CAMSAP1: variants seen among roughly 807,000 people sequenced by gnomAD.
CAMSAP1 encodes calmodulin regulated spectrin associated protein 1.
In CAMSAP1, 58 loss-of-function variants were observed where a neutral mutation model predicts 143.5. The observed-to-expected ratio is 0.40, with a 90% CI of 0.33 to 0.50. CAMSAP1 has a LOEUF of 0.50. Among genes scored for constraint, CAMSAP1 ranks in the 20% least tolerant of loss-of-function variants. The pLI, the probability that CAMSAP1 is intolerant of heterozygous loss-of-function variation, is 0.45. For missense variants in CAMSAP1, 1,969 were observed against 2,115.7 expected (o/e 0.93, Z 1.36); for synonymous variants, 945 against 859.3 (o/e 1.10, Z -1.74).
At chr9:135,837,107 C>T (rs1030651736) in intron 7 of CAMSAP1, among the ~76,000 whole-genome samples, 8 of 151,924 alleles carry the variant, frequency 5.3e-5, no homozygotes, top group Admixed American at 5.2e-4. Flanking sequence ...ATTCCAGAGA[C>T]ACACGTCACC....
intron 7 of CAMSAP1, among the ~76,000 whole-genome samples, chr9:135,839,274 G>A (rs112018628): frequency 0.014 from 2,168 of 152,314 alleles, 58 homozygotes; most frequent in African/African-American, 0.048. Context: ...TTCTGTGCCT[G>A]CCACATGCAT....
chr9:135,847,067 G>T (rs1588469070), intron 7 of CAMSAP1, among the ~76,000 whole-genome samples: 1 of 152,092 alleles, frequency 6.6e-6, no homozygotes, highest in South Asian at 2.1e-4. Context: ...CCTACTATAG[G>T]CCGGGCACGG....
chr9:135,820,687 ACT>A lies in CAMSAP1; in HGVS notation c.3822+150_3822+151del, dbSNP rs1219617076. Among the ~76,000 whole-genome samples, 5 of 152,042 alleles carry A rather than the reference ACT, an allele frequency of 3.3e-5. No individual in the cohort carries two copies. The highest frequency in any genetic ancestry group is 1.2e-4 in the African/African-American group (5 of 41,374). ...GCCAAGTGGAGTCCTCGGGACAGAG[ACT>A]CTGTGGCCCACAAAGCTAAACACAC... On this transcript the variant is annotated intron_variant, in intron 11 of 16. Transcript: ENST00000389532. This position sits in a 1 kb window ranked among gnomAD's most constrained non-coding sequence, Gnocchi z 4.4.
chr9:135,827,529 C>T lies in CAMSAP1; in HGVS notation c.1101G>A (p.Ala367=), dbSNP rs374962305. 1.9e-5 allele frequency: 30 copies of T among 1,612,362 alleles called. No individual in the cohort carries two copies. The highest frequency in any genetic ancestry group is 3.3e-4 in the Middle Eastern group (2 of 6,076). Residue 367 remains alanine, a synonymous_variant, in exon 8 of 17, where the codon GCG becomes GCA. Coordinates refer to ENST00000389532, the MANE Select transcript of CAMSAP1 (RefSeq NM_015447.4). ...SSRPPVPISN[A]TKRSFLGSPA... is the part of the protein sequence containing the mutation. ...GGCTGCCTAGGAAACTGCGTTTGGT[C>T]GCGTTGGAGATCGGTACAGGAGGCC...
At position 135,832,545 on chromosome 9, in the gene CAMSAP1, C is replaced by G. The variant is rs117445555; in HGVS notation, c.1046-4961G>C. ...CCACTCTCACCTCTTTTATTCAACA[C>G]AGTACTGGAAATTCTAGTCAGATAA... On this transcript the variant is annotated intron_variant, in intron 7 of 16. Coordinates refer to ENST00000389532, the MANE Select transcript of CAMSAP1 (RefSeq NM_015447.4). 1.0e-3 allele frequency among the ~76,000 whole-genome samples: 155 copies of G among 152,240 alleles called. No individual in the cohort carries two copies. In the East Asian group the frequency reaches 0.014, roughly 14 times the overall value.
rs113175226 is a variant in CAMSAP1, at chr9:135,907,323, C to A, written c.-164G>T. ...CGCCTCACCTCACAGCCGCCGCCGTCGCCGCCCCCGCGGCTGCTGCATGCT... is the reference window on the plus strand; with the variant it reads ...CGCCTCACCTCACAGCCGCCGCCGTAGCCGCCCCCGCGGCTGCTGCATGCT... On this transcript the variant is annotated 5_prime_UTR_variant, in exon 1 of 17. Coordinates refer to ENST00000389532, the MANE Select transcript of CAMSAP1 (RefSeq NM_015447.4). The A allele has an allele frequency of 4.1e-6, 1 of 242,474 alleles. No individual in the cohort carries two copies. Among genetic ancestry groups the A allele is most frequent in the South Asian group, 1.4e-4 (1 of 6,940 alleles). 15.0% of individuals were successfully genotyped at this position (242,474 alleles called of 1,614,324 possible).
intron 1 of CAMSAP1, among the ~76,000 whole-genome samples, chr9:135,893,049 A>C (rs1588509405): frequency 6.6e-6 from 1 of 151,782 alleles, no homozygotes; most frequent in South Asian, 2.1e-4. Flanking sequence ...ACCTGCCTGT[A>C]GTCCCTGCTC....
At position 135,819,103 on chromosome 9, in the gene CAMSAP1, G is replaced by T; in HGVS notation, c.3866C>A (p.Ala1289Asp). Residue 1289 changes from alanine (A) to aspartate (D), a missense_variant, in exon 12 of 17, where the codon GCC becomes GAC. By Grantham distance (126) the Ala-to-Asp change is moderately radical. This residue lies in a region of CAMSAP1 where 1,390 missense variants were observed against 1,420.8 expected (regional missense o/e 0.98). Coordinates refer to ENST00000389532, the MANE Select transcript of CAMSAP1 (RefSeq NM_015447.4). ...AEDELAKKRA[A>D]FLLKQQRKAE... ...CTTGCGCTGCTGCTTCAGGAGGAAG[G>T]CCGCCCGCTTCTTGGCGAGCTCATC... 2 of 1,602,066 alleles carry T rather than the reference G, an allele frequency of 1.2e-6. No individual in the cohort carries two copies.
chr9:135,825,725 T>C (rs1358646717), intron 8 of CAMSAP1, among the ~76,000 whole-genome samples: 2 of 151,718 alleles, frequency 1.3e-5, no homozygotes, highest in Non-Finnish European at 2.9e-5. Context: ...TGGGGAGAAT[T>C]TGGTAAAGGG....
chr9:135,818,708 G>A lies in CAMSAP1; in HGVS notation c.3960-92C>T, dbSNP rs1835331950. On this transcript the variant is annotated intron_variant, in intron 12 of 16. Transcript: ENST00000389532. The surrounding 1 kb of genome is among the most constrained non-coding windows in gnomAD (Gnocchi z 7.7). ...CGCTCTGTCCAGGCGCGTTTCTCGG[G>A]TTCTCCCCGGCCGCTGGGACCAAGA... 3 of 1,415,658 alleles carry A rather than the reference G, an allele frequency of 2.1e-6. No homozygotes were observed. Among genetic ancestry groups the A allele is most frequent in the South Asian group, 2.7e-5 (2 of 73,158 alleles). The allele number at this position is 1,415,658 out of a possible 1,614,324, so 87.7% of individuals were successfully genotyped here.
intron 3 of CAMSAP1, among the ~76,000 whole-genome samples, chr9:135,880,291 G>T (rs1447006043): frequency 2.0e-5 from 3 of 152,130 alleles, no homozygotes; most frequent in Non-Finnish European, 4.4e-5. Flanking sequence ...CACGCCGCCA[G>T]GTGAGAGCCA....
At chr9:135,825,872 A>T (rs142390761) in intron 8 of CAMSAP1, among the ~76,000 whole-genome samples, 1 of 152,306 alleles carries the variant, frequency 6.6e-6, no homozygotes, top group Non-Finnish European at 1.5e-5. Flanking sequence ...CACCAAAGAG[A>T]CACAGTGAGA....
At chr9:135,870,057 T>C (rs1837519087) in intron 3 of CAMSAP1, among the ~76,000 whole-genome samples, 1 of 152,164 alleles carries the variant, frequency 6.6e-6, no homozygotes, top group African/African-American at 2.4e-5. Context: ...GGTTCAGAGT[T>C]TTTTTGGAAT....
In CAMSAP1 at chr9:135,811,510, G is replaced by A; in HGVS notation, c.4608C>T (p.Ile1536=). ...LYCYYPDTEE[I]YKLTGTGPKN... is the part of the protein sequence containing the mutation. ...TTGGCCCCGTGCCAGTGAGTTTGTA[G>A]ATTTCCTCAGTATCAGGATAGTAGC... is the stretch of plus-strand genomic sequence containing the variant. The change falls in exon 17 of 17, where the codon ATC becomes ATT. Residue 1536 remains isoleucine (I), a synonymous_variant. Transcript: ENST00000389532. This position sits in a 1 kb window ranked among gnomAD's most constrained non-coding sequence, Gnocchi z 4.9. The A allele has an allele frequency of 6.2e-7, 1 of 1,609,444 alleles. No homozygotes were observed. Among genetic ancestry groups the A allele is most frequent in the Non-Finnish European group, 8.5e-7 (1 of 1,177,666 alleles).
rs1030835182 is a variant in CAMSAP1, at chr9:135,824,610, A to G, written c.1315+179T>C. ...AACCAGGGAGTCAGAGGCTGCAGTG[A>G]GCCGAGATCGCGCCACAGCACTTCA... On this transcript the variant is annotated intron_variant, in intron 9 of 16. Transcript: ENST00000389532. The surrounding 1 kb of genome is among the most constrained non-coding windows in gnomAD (Gnocchi z 4.1). 3.9e-5 allele frequency among the ~76,000 whole-genome samples: 6 copies of G among 152,208 alleles called. No individual in the cohort carries two copies. Among genetic ancestry groups the G allele is most frequent in the Non-Finnish European group, 8.8e-5 (6 of 68,044 alleles).
intron 4 of CAMSAP1, among the ~76,000 whole-genome samples, chr9:135,863,595 T>C (rs1837273757): frequency 6.6e-6 from 1 of 152,042 alleles, no homozygotes; most frequent in South Asian, 2.1e-4. Context: ...GAATTTCAGG[T>C]TGTTATGTCA....
chr9:135,835,290 C>G (rs1387967963), intron 7 of CAMSAP1, among the ~76,000 whole-genome samples: 3 of 152,130 alleles, frequency 2.0e-5, no homozygotes, highest in African/African-American at 7.2e-5. Flanking sequence ...AGACGGGTAC[C>G]CACAGCAGCA....
intron 4 of CAMSAP1, 156 bp downstream of exon 4, chr9:135,866,300 G>A (rs1384712324): frequency 6.8e-6 from 4 of 587,844 alleles, no homozygotes; most frequent in African/African-American, 1.9e-5. Context: ...TCACTGAGGT[G>A]TGGAGAATCA....
intron 1 of CAMSAP1, among the ~76,000 whole-genome samples, chr9:135,905,003 T>C (rs1838733160): frequency 6.6e-6 from 1 of 150,964 alleles, no homozygotes; most frequent in South Asian, 2.1e-4. Flanking sequence ...CCTCCTAAAA[T>C]CGGAGTCTGA....
Sources: allele counts gnomAD v4.1 joint callset (sites outside exome capture counted in the v4.1 genomes callset), GRCh38; gene constraint gnomAD v4.1.1; regional missense constraint gnomAD v4.1.1; non-coding constraint Gnocchi (gnomAD v3.1); transcripts MANE v1.5; gene names NCBI Gene and HGNC (gene_info 2026-07-23, HGNC 2026-07-21).